Variants in PDE4D observed in about 807,000 individuals in gnomAD.
PDE4D encodes the protein phosphodiesterase 4D.
In PDE4D, 24 loss-of-function variants were observed where a neutral mutation model predicts 87.4. The ratio of observed to expected loss-of-function variants is 0.27; its 90% CI spans 0.20 to 0.39. The LOEUF (loss-of-function observed/expected upper bound fraction) is 0.39. Among genes scored for constraint, PDE4D ranks in the 10% least tolerant of loss-of-function variants. The pLI, the probability that PDE4D is intolerant of heterozygous loss-of-function variation, is 1.00. For synonymous variants in PDE4D, 384 were observed against 383.2 expected (o/e 1.00, Z -0.02); for missense variants, 714 against 1,041.0 (o/e 0.69, Z 4.32).
chr5:59,136,027 T>A (rs201122609), intron 5 of PDE4D, among the ~76,000 whole-genome samples: 3 of 149,284 alleles, frequency 2.0e-5, no homozygotes, highest in South Asian at 2.1e-4. Flanking sequence ...GACTAAATGA[T>A]AAAAAAAAAA....
intron 11 of PDE4D, among the ~76,000 whole-genome samples, chr5:58,983,883 T>G (rs890998330): frequency 1.4e-4 from 22 of 152,178 alleles, no homozygotes; most frequent in African/African-American, 5.1e-4. Flanking sequence ...AAGGAATACA[T>G]TGCCTCCCAA....
At chr5:59,142,870 T>A (rs949458123) in intron 5 of PDE4D, among the ~76,000 whole-genome samples, 1 of 152,128 alleles carries the variant, frequency 6.6e-6, no homozygotes, top group South Asian at 2.1e-4. Flanking sequence ...TGAGCCGAGA[T>A]CGTGCCACTG....
chr5:60,301,641 C>A (rs563482761), intron 1 of PDE4D, among the ~76,000 whole-genome samples: 2 of 152,278 alleles, frequency 1.3e-5, no homozygotes, highest in East Asian at 1.9e-4. Context: ...AGGATCATAT[C>A]ATCTGCAAAC....
chr5:59,555,989 C>T (rs752123728), intron 1 of PDE4D, among the ~76,000 whole-genome samples: 14 of 152,148 alleles, frequency 9.2e-5, no homozygotes, highest in Non-Finnish European at 2.1e-4. Context: ...TCCTATTTCA[C>T]GTGAATATCT....
At chr5:60,183,985 A>G (rs961698902) in intron 2 of PDE4D, among the ~76,000 whole-genome samples, 2 of 152,180 alleles carry the variant, frequency 1.3e-5, no homozygotes, top group Non-Finnish European at 2.9e-5. Flanking sequence ...AAGCAGTGAA[A>G]TGAGAGTTCT....
At chr5:59,292,012 G>T (rs914722032) in intron 1 of PDE4D, among the ~76,000 whole-genome samples, 1 of 151,842 alleles carries the variant, frequency 6.6e-6, no homozygotes, top group Admixed American at 6.6e-5. Flanking sequence ...TATGGTGCTT[G>T]GCAAAAGTTG....
chr5:60,223,405 A>C (rs532643184), intron 1 of PDE4D, among the ~76,000 whole-genome samples: 1 of 152,258 alleles, frequency 6.6e-6, no homozygotes, highest in South Asian at 2.1e-4. Context: ...CGTATGGAAG[A>C]GAACAATACT....
rs142179357 is a variant in PDE4D at position 59,082,711 on chromosome 5, G to A, written c.809-43740C>T. On this transcript the variant is annotated intron_variant, in intron 5 of 14. Coordinates refer to ENST00000340635, the MANE Select transcript of PDE4D (RefSeq NM_001104631.2). Reference sequence around the variant, plus strand: ...AAGAATATATCTAGTTTCCTACATGGGAAGAGTCAATATTATAAAGATATC... The same window carrying A: ...AAGAATATATCTAGTTTCCTACATGAGAAGAGTCAATATTATAAAGATATC... Among the ~76,000 whole-genome samples, 683 of 152,012 alleles carry A rather than the reference G, an allele frequency of 4.5e-3. 7 individuals carry two copies. The highest frequency in any genetic ancestry group is 0.016 in the African/African-American group (650 of 41,486).
intron 2 of PDE4D, among the ~76,000 whole-genome samples, chr5:59,994,855 G>A (rs1763373314): frequency 6.6e-6 from 1 of 152,078 alleles, no homozygotes; most frequent in Non-Finnish European, 1.5e-5. Flanking sequence ...TCTTAATTGT[G>A]TTTCCATTCC....
chr5:59,548,550 T>G (rs2153686730), intron 1 of PDE4D, among the ~76,000 whole-genome samples: 1 of 152,284 alleles, frequency 6.6e-6, no homozygotes, highest in South Asian at 2.1e-4. Context: ...AGTCAACCCT[T>G]AATTAATAAA....
chr5:60,318,131 A>C (rs1755819548), intron 1 of PDE4D, among the ~76,000 whole-genome samples: 1 of 152,144 alleles, frequency 6.6e-6, no homozygotes, highest in Non-Finnish European at 1.5e-5. Context: ...GTCTCTTTCT[A>C]GGTCTCTAAG....
chr5:60,112,240 AAG>A (rs1231672450), intron 2 of PDE4D, among the ~76,000 whole-genome samples: 6 of 152,160 alleles, frequency 3.9e-5, no homozygotes, highest in Non-Finnish European at 1.5e-5. Flanking sequence ...TGATAATCCA[AAG>A]AGTGTGTCAA....
chr5:59,634,893 G>A (rs1357191351), intron 1 of PDE4D, among the ~76,000 whole-genome samples: 1 of 152,112 alleles, frequency 6.6e-6, no homozygotes, highest in Non-Finnish European at 1.5e-5. Context: ...GATCAGAGCA[G>A]AATTGAAGGA....
chr5:60,397,815 C>A (rs558310267), intron 1 of PDE4D, among the ~76,000 whole-genome samples: 1 of 152,288 alleles, frequency 6.6e-6, no homozygotes, highest in Admixed American at 6.5e-5. Context: ...GCTATTCTGC[C>A]TGAGCTCTCA....
chr5:58,996,620 G>C, intron 6 of PDE4D, among the ~76,000 whole-genome samples: 1 of 152,142 alleles, frequency 6.6e-6, no homozygotes, highest in Admixed American at 6.5e-5. Flanking sequence ...GATAAAGATA[G>C]ATAGAGACCC....
rs188808469 is a variant in PDE4D at position 59,687,283 on chromosome 5, C to T, written c.455+205885G>A. Reference sequence around the variant, plus strand: ...CTCCAAGACACATAATTTTCAGATTCACTAAAGTTGAAATGAAGGAAAAAA... The same window carrying T: ...CTCCAAGACACATAATTTTCAGATTTACTAAAGTTGAAATGAAGGAAAAAA... On this transcript the variant is annotated intron_variant, in intron 1 of 14. Transcript: ENST00000340635. Among the ~76,000 whole-genome samples the T allele has an allele frequency of 2.8e-3, 429 of 152,232 alleles. 5 individuals are homozygous for T. Among genetic ancestry groups the T allele is most frequent in the African/African-American group, 9.9e-3 (411 of 41,542 alleles).
At chr5:60,238,791 G>GT (rs999254855) in intron 1 of PDE4D, among the ~76,000 whole-genome samples, 9 of 151,830 alleles carry the variant, frequency 5.9e-5, no homozygotes, top group African/African-American at 1.7e-4. Flanking sequence ...CTATTCTGAA[G>GT]TTTTTTAAAA....
intron 1 of PDE4D, among the ~76,000 whole-genome samples, chr5:59,517,211 A>G (rs1811325915): frequency 6.6e-6 from 1 of 152,218 alleles, no homozygotes; most frequent in Non-Finnish European, 1.5e-5. Flanking sequence ...AACATGTAGT[A>G]TAGACAGGGC....
At chr5:59,574,003 A>AG (rs1199428733) in intron 1 of PDE4D, among the ~76,000 whole-genome samples, 7 of 125,946 alleles carry the variant, frequency 5.6e-5, no homozygotes, top group Non-Finnish European at 9.6e-5. Context: ...GTCTCAAAAA[A>AG]AAATATATAT....
Sources: gnomAD v4.1 joint callset for allele counts (sites outside exome capture counted in the v4.1 genomes callset) on GRCh38, gnomAD v4.1.1 for gene constraint, MANE v1.5 for transcripts, NCBI Gene and HGNC (gene_info 2026-07-23, HGNC 2026-07-21) for gene names.